Variants in MYH2 observed in about 807,000 individuals in gnomAD.
The protein encoded by MYH2 is myosin-2.
MYH2 carries 139 observed loss-of-function variants against 228.1 expected under a neutral mutation model. That is an observed-to-expected ratio of 0.61 (90% CI 0.53 to 0.70). The LOEUF (loss-of-function observed/expected upper bound fraction) is 0.70. Ranked by LOEUF, MYH2 falls within the 30% of genes least tolerant of loss-of-function variation. The pLI is 0.00. For missense variants in MYH2, 1,809 were observed against 2,357.5 expected, an observed-to-expected ratio of 0.77 and a Z score of 4.82; for synonymous variants, 796 against 871.1, an observed-to-expected ratio of 0.91 and a Z score of 1.52.
intron 21 of MYH2, 55 bp from the exon 22 acceptor site, chr17:10,531,943 C>A: frequency 6.2e-7 from 1 of 1,604,906 alleles, no homozygotes; most frequent in Non-Finnish European, 8.5e-7. Context: ...TGGGATGAAA[C>A]CTTGGCAGTG....
intron 3 of MYH2, 33 bp downstream of exon 3, chr17:10,547,684 T>C (rs760578359): frequency 6.2e-7 from 1 of 1,614,086 alleles, no homozygotes; most frequent in Non-Finnish European, 8.5e-7. Context: ...CAAAAATCAA[T>C]AAAATGTGGC....
In MYH2 at chr17:10,524,536, T is replaced by C. The variant is rs769912069; in HGVS notation, c.5105A>G (p.Glu1702Gly). Residue 1702 changes from glutamate (E) to glycine (G), a missense_variant, in exon 35 of 40, where the codon GAG (glutamate) becomes GGG (glycine). Physicochemically the swap from Glu to Gly is moderately conservative, Grantham distance 98. Around this residue, in one of 9 missense-constraint regions of MYH2, gnomAD observed 278 missense variants for 308.5 expected, o/e 0.90. Transcript: ENST00000245503. This position sits in a 1 kb window ranked among gnomAD's most constrained non-coding sequence, Gnocchi z 4.7. ...EELRATLEQT[E>G]RSRKIAEQEL... is the part of the protein sequence containing the mutation. ...CTGTTCTGCGATTTTTCTGCTCCTC[T>C]CTGTCTGTTCCAGAGTGGCCCGCAG... The C allele has an allele frequency of 1.4e-5, 22 of 1,614,130 alleles. No individual in the cohort carries two copies. In the South Asian group the frequency reaches 2.3e-4, roughly 17 times the overall value.
chr17:10,543,231 T>A (rs968310788), intron 8 of MYH2, 70 bp from the exon 9 acceptor site: 49 of 1,149,566 alleles, frequency 4.3e-5, no homozygotes, highest in Non-Finnish European at 5.9e-5. Flanking sequence ...TTCCAAACAT[T>A]TGATGCTGGT....
At position 10,525,711 on chromosome 17, in the gene MYH2, C is replaced by T. The variant is rs1555569969; in HGVS notation, c.4353G>A (p.Lys1451=). The T allele has an allele frequency of 6.2e-7, 1 of 1,614,162 alleles. No homozygotes were observed. The highest frequency in any genetic ancestry group is 8.5e-7 in the Non-Finnish European group (1 of 1,180,036). Residue 1451 remains lysine (K), a synonymous_variant, in exon 31 of 40, where the codon AAG becomes AAA. Coordinates refer to ENST00000245503, the MANE Select transcript of MYH2 (RefSeq NM_017534.6). This position sits in a 1 kb window ranked among gnomAD's most constrained non-coding sequence, Gnocchi z 4.2. The stretch of plus-strand genomic sequence containing the variant: ...GAATTACCTTATCGAAGTTCCTTTG[C>T]TTTTTGTCAAGGGCGGCACAGGCGG... ...TNAACAALDK[K]QRNFDKILAE... is the part of the protein sequence containing the mutation.
rs763200709 is a variant in MYH2 at position 10,539,961 on chromosome 17, G to C, written c.1114C>G (p.Arg372Gly). Residue 372 changes from arginine (R) to glycine (G), a missense_variant, in exon 12 of 40, where the codon CGT (arginine) becomes GGT (glycine). Arg to Gly is a moderately radical substitution (Grantham distance 125, BLOSUM62 -2). This residue lies in a region of MYH2 where 373 missense variants were observed against 620.4 expected (regional missense o/e 0.60). Coordinates refer to ENST00000245503, the MANE Select transcript of MYH2 (RefSeq NM_017534.6). ...YGNLKFKQKQ[R>G]EEQAEPDGTE... ...CCATCTGGCTCTGCTTGCTCCTCAC[G>C]CTGCTTTTGCTTAAATTTTAGGTTC... The C allele has an allele frequency of 1.2e-6, 2 of 1,613,888 alleles. No individual in the cohort carries two copies. The highest frequency in any genetic ancestry group is 3.3e-5 in the Admixed American group (2 of 59,988).
chr17:10,535,969 C>CA (rs2073477763), intron 17 of MYH2, among the ~76,000 whole-genome samples: 1 of 152,162 alleles, frequency 6.6e-6, no homozygotes, highest in Non-Finnish European at 1.5e-5. Flanking sequence ...GAGTTCATGT[C>CA]ATTGCTCTTT....
rs1274326982 is a variant in MYH2, at chr17:10,526,775, A to G, written c.4011T>C (p.His1337=). The G allele has an allele frequency of 6.2e-7, 1 of 1,614,226 alleles. No homozygotes were observed. The highest frequency in any genetic ancestry group is 1.1e-5 in the South Asian group (1 of 91,082). ...EEIKAKNALA[H]ALQSSRHDCD... is the part of the protein sequence containing the mutation. ...AGTCGTGGCGGGAAGACTGCAGGGC[A>G]TGCGCCAGGGCGTTCTTGGCCTATG... Residue 1337 remains histidine (H), a synonymous_variant, in exon 30 of 40, where the codon CAT becomes CAC. Transcript: ENST00000245503.
chr17:10,547,686 A>T (rs2073653098), intron 3 of MYH2, 31 bp downstream of exon 3: 1 of 1,614,002 alleles, frequency 6.2e-7, no homozygotes, highest in Admixed American at 1.7e-5. Flanking sequence ...AAAATCAATA[A>T]AATGTGGCAA....
In MYH2 at chr17:10,545,007, G is replaced by T. The variant is rs180895320; in HGVS notation, c.505+339C>A. 5.8e-5 allele frequency among the ~76,000 whole-genome samples: 8 copies of T among 138,112 alleles called. No homozygotes were observed. The East Asian group carries it at 2.4e-3, about 41-fold the overall frequency. 90.6% of individuals were successfully genotyped at this position (138,112 alleles called of 152,430 possible). On this transcript the variant is annotated intron_variant, in intron 5 of 39. Transcript: ENST00000245503. ...ACACAGTTTGTATGTGTGATTGTGC[G>T]TGCATGAGTGTGTGTGTGTGTGTGT...
chr17:10,523,902 G>A lies in MYH2; in HGVS notation c.5176-18C>T. The A allele has an allele frequency of 6.2e-7, 1 of 1,608,352 alleles. No homozygotes were observed. Among genetic ancestry groups the A allele is most frequent in the South Asian group, 1.1e-5 (1 of 90,038 alleles). ...CTGGTGTTCTGTTTAAAAAGAATTTGTACATTTAAAAAATTGTGTTACCAA... is the reference window on the plus strand; with the variant it reads ...CTGGTGTTCTGTTTAAAAAGAATTTATACATTTAAAAAATTGTGTTACCAA... On this transcript the variant is annotated intron_variant, in intron 35 of 39. Coordinates refer to ENST00000245503, the MANE Select transcript of MYH2 (RefSeq NM_017534.6).
At position 10,531,806 on chromosome 17, in the gene MYH2, T is replaced by A. The variant is rs1468335208; in HGVS notation, c.2524A>T (p.Ile842Phe). ...TCTGCACTCTTCAACAGAGGCTTGA[T>A]CTTGAAGAAGAGTTTCATCCAGGGC... ...HWPWMKLFFKIKPLLKSAETE... is the reference protein window; with the variant it reads ...HWPWMKLFFKFKPLLKSAETE... The change falls in exon 22 of 40, where the codon ATC becomes TTC. Residue 842 changes from isoleucine (I) to phenylalanine (F), a missense_variant. Ile to Phe is a conservative substitution (Grantham distance 21). This residue lies in a region of MYH2 where 276 missense variants were observed against 344.2 expected (regional missense o/e 0.80). Coordinates refer to ENST00000245503, the MANE Select transcript of MYH2 (RefSeq NM_017534.6). 1.9e-6 allele frequency: 3 copies of A among 1,614,200 alleles called. No homozygotes were observed. In the East Asian group the frequency reaches 6.7e-5, roughly 36 times the overall value.
At chr17:10,546,507 T>G (rs1341115912) in intron 4 of MYH2, among the ~76,000 whole-genome samples, 1 of 151,842 alleles carries the variant, frequency 6.6e-6, no homozygotes, top group African/African-American at 2.4e-5. Flanking sequence ...GTGCAGACCT[T>G]TACCAGACAG....
rs145562997 is a variant in MYH2 at position 10,538,997 on chromosome 17, A to G, written c.1416+208T>C. Among the ~76,000 whole-genome samples, 147 of 152,334 alleles carry G rather than the reference A, an allele frequency of 9.6e-4. 1 individual carries two copies. The highest frequency in any genetic ancestry group is 7.9e-3 in the East Asian group (41 of 5,182). On this transcript the variant is annotated intron_variant, in intron 14 of 39. Coordinates refer to ENST00000245503, the MANE Select transcript of MYH2 (RefSeq NM_017534.6). ...CTAATTCAGAACTCCCTTTGTATCAATAACAAGTTGGGGAGTCCTTATTAA... is the reference window on the plus strand; with the variant it reads ...CTAATTCAGAACTCCCTTTGTATCAGTAACAAGTTGGGGAGTCCTTATTAA...
Position 10,525,798 on chromosome 17 carries a change from C to T in MYH2, c.4266G>A (p.Lys1422=), listed in dbSNP as rs2073344777. Residue 1422 remains lysine (K), a synonymous_variant, in exon 31 of 40, where the codon AAG becomes AAA. Coordinates refer to ENST00000245503, the MANE Select transcript of MYH2 (RefSeq NM_017534.6). The surrounding 1 kb of genome is among the most constrained non-coding windows in gnomAD (Gnocchi z 4.2). ...AVNAKCASLE[K]TKQRLQNEVE... The stretch of plus-strand genomic sequence containing the variant: ...CCTCATTCTGCAGCCGCTGCTTCGT[C>T]TTTTCGAGGGAAGCACATTTGGCGT... 1 of 1,614,112 alleles carries T rather than the reference C, an allele frequency of 6.2e-7. No individual in the cohort carries two copies. Among genetic ancestry groups the T allele is most frequent in the South Asian group, 1.1e-5 (1 of 91,088 alleles).
chr17:10,525,653 A>G lies in MYH2; in HGVS notation c.4372-37T>C. The G allele has an allele frequency of 6.2e-7, 1 of 1,614,190 alleles. No homozygotes were observed. On this transcript the variant is annotated intron_variant, in intron 31 of 39. Transcript: ENST00000245503. This position sits in a 1 kb window ranked among gnomAD's most constrained non-coding sequence, Gnocchi z 4.2. ...AGACCTGTTACCTGCTGCAAAGACA[A>G]AAGAGTAGAGTAAAGAGCAGAAGAT...
In MYH2 at chr17:10,537,675, A is replaced by G. The variant is rs982749894; in HGVS notation, c.1577T>C (p.Leu526Pro). 1 of 1,614,196 alleles carries G rather than the reference A, an allele frequency of 6.2e-7. No individual in the cohort carries two copies. Among genetic ancestry groups the G allele is most frequent in the African/African-American group, 1.3e-5 (1 of 75,056 alleles). ...AAATGCAAAACCAACCTTCTCGATG[A>G]GCTCGATGCAGGCAGCCAGGTCCAT... The part of the protein sequence containing the change: ...FGMDLAACIE[L>P]IEKPMGIFSI... The change falls in exon 15 of 40, where the codon CTC (leucine) becomes CCC (proline). Residue 526 changes from leucine (L) to proline (P), a missense_variant. Physicochemically the swap from Leu to Pro is moderately conservative, Grantham distance 98 (BLOSUM62 -3). Transcript: ENST00000245503. This position sits in a 1 kb window ranked among gnomAD's most constrained non-coding sequence, Gnocchi z 4.0.
chr17:10,543,882 A>T lies in MYH2; in HGVS notation c.648+20T>A, dbSNP rs763440976. On this transcript the variant is annotated intron_variant, in intron 7 of 39. Coordinates refer to ENST00000245503, the MANE Select transcript of MYH2 (RefSeq NM_017534.6). Reference sequence around the variant, plus strand: ...GAGTCCCGACAGAGTCTGGATTCTGACTGTGACAATCAGACTCACCTGTAT... The same window carrying T: ...GAGTCCCGACAGAGTCTGGATTCTGTCTGTGACAATCAGACTCACCTGTAT... 3.7e-6 allele frequency: 6 copies of T among 1,614,038 alleles called. No homozygotes were observed. Among genetic ancestry groups the T allele is most frequent in the Admixed American group, 1.7e-5 (1 of 60,000 alleles).
chr17:10,523,926 A>T, intron 35 of MYH2, 42 bp from the exon 36 acceptor site: 1 of 1,599,540 alleles, frequency 6.3e-7, no homozygotes, highest in South Asian at 1.1e-5. Flanking sequence ...TTGTGTTACC[A>T]AAGTATTTAT....
At position 10,528,754 on chromosome 17, in the gene MYH2, T is replaced by C; in HGVS notation, c.3680A>G (p.Lys1227Arg). The C allele has an allele frequency of 1.2e-6, 2 of 1,614,110 alleles. No individual in the cohort carries two copies. The highest frequency in any genetic ancestry group is 1.7e-6 in the Non-Finnish European group (2 of 1,179,960). ...ATCAATCTCCATCTTCATCTCACTC[T>C]TCTCCTTCTCCAGCTTCTGCTTCAC... ...QRVKQKLEKE[K>R]SEMKMEIDDL... The change falls in exon 27 of 40, where the codon AAG becomes AGG. Residue 1227 changes from lysine to arginine, a missense_variant. Transcript: ENST00000245503.
Sources: allele counts gnomAD v4.1 joint callset (sites outside exome capture counted in the v4.1 genomes callset), GRCh38; gene constraint gnomAD v4.1.1; regional missense constraint gnomAD v4.1.1; non-coding constraint Gnocchi (gnomAD v3.1); transcripts MANE v1.5; gene names NCBI Gene and HGNC (gene_info 2026-07-23, HGNC 2026-07-21).